ATP9A: variants seen among roughly 807,000 people sequenced by gnomAD.
ATP9A encodes ATPase phospholipid transporting 9A.
ATP9A carries 52 observed loss-of-function variants against 144.1 expected under a neutral mutation model. The observed-to-expected ratio is 0.36, with a 90% CI of 0.29 to 0.45. The LOEUF is 0.45. ATP9A is among the 20% of genes least tolerant of loss of function. The pLI, the probability that ATP9A is intolerant of heterozygous loss-of-function variation, is 1.00. For missense variants in ATP9A, 947 were observed against 1,392.7 expected (o/e 0.68, Z 5.09); for synonymous variants, 582 against 557.4 (o/e 1.04, Z -0.62).
chr20:51,727,379 A>T (rs2077719429), intron 2 of ATP9A, among the ~76,000 whole-genome samples: 1 of 151,904 alleles, frequency 6.6e-6, no homozygotes, highest in Non-Finnish European at 1.5e-5. Context: ...TGAGCTCAAG[A>T]GTTCGAGACC....
intron 13 of ATP9A, among the ~76,000 whole-genome samples, chr20:51,661,618 G>A (rs112648095): frequency 0.037 from 5,235 of 139,688 alleles, 113 homozygotes; most frequent in Non-Finnish European, 0.055. Flanking sequence ...TCAACCTCCC[G>A]CCTCGGCCTC....
chr20:51,700,133 T>C (rs1168390621), intron 4 of ATP9A, among the ~76,000 whole-genome samples: 1 of 152,186 alleles, frequency 6.6e-6, no homozygotes, highest in African/African-American at 2.4e-5. Flanking sequence ...CCTGGCCTGC[T>C]AGAGAGAGAT....
At chr20:51,640,104 C>A (rs952382384) in intron 14 of ATP9A, among the ~76,000 whole-genome samples, 5 of 151,956 alleles carry the variant, frequency 3.3e-5, no homozygotes, top group Non-Finnish European at 7.4e-5. Flanking sequence ...CCCACACCAC[C>A]CCCACTCCGA....
chr20:51,740,735 AT>A (rs2077781476), intron 1 of ATP9A, among the ~76,000 whole-genome samples: 1 of 149,252 alleles, frequency 6.7e-6, no homozygotes, highest in Non-Finnish European at 1.5e-5. Flanking sequence ...CTCCCGGATA[AT>A]TTTTTTTATT....
intron 13 of ATP9A, among the ~76,000 whole-genome samples, chr20:51,666,391 A>C (rs868303878): frequency 6.6e-6 from 1 of 152,158 alleles, no homozygotes; most frequent in African/African-American, 2.4e-5. Flanking sequence ...GTACTTTACG[A>C]AACACTGGGC....
At chr20:51,647,898 C>T (rs915751013) in intron 14 of ATP9A, among the ~76,000 whole-genome samples, 1 of 152,186 alleles carries the variant, frequency 6.6e-6, no homozygotes, top group Non-Finnish European at 1.5e-5. Flanking sequence ...CTGTCCAGCC[C>T]TGCTCAAACA....
At chr20:51,759,211 G>A (rs951105168) in intron 1 of ATP9A, among the ~76,000 whole-genome samples, 5 of 152,236 alleles carry the variant, frequency 3.3e-5, no homozygotes, top group Admixed American at 6.5e-5. Context: ...GGGGGGCAAA[G>A]AGCTGTTGGT....
At chr20:51,671,572 A>T (rs1348800972) in intron 11 of ATP9A, among the ~76,000 whole-genome samples, 1 of 152,104 alleles carries the variant, frequency 6.6e-6, no homozygotes, top group Non-Finnish European at 1.5e-5. Context: ...TTGATGCTAT[A>T]TTCATTTTTT....
At chr20:51,724,628 C>G (rs1212360) in intron 3 of ATP9A, among the ~76,000 whole-genome samples, 18,269 of 152,196 alleles carry the variant, frequency 0.12, 1,151 homozygotes, top group South Asian at 0.19. Context: ...TCTATCCCTT[C>G]TGAATGTCAG....
intron 15 of ATP9A, among the ~76,000 whole-genome samples, chr20:51,635,036 G>C: frequency 6.6e-6 from 1 of 152,044 alleles, no homozygotes; most frequent in Non-Finnish European, 1.5e-5. Context: ...CACCCCCCTG[G>C]AGTGGAGCTG....
intron 13 of ATP9A, among the ~76,000 whole-genome samples, chr20:51,661,602 C>T (rs2077411099): frequency 6.7e-6 from 1 of 148,318 alleles, no homozygotes; most frequent in South Asian, 2.1e-4. Flanking sequence ...AACTCCCAGG[C>T]TCAAGTCAAC....
At chr20:51,672,139 A>T (rs1027791401) in intron 11 of ATP9A, among the ~76,000 whole-genome samples, 2 of 152,110 alleles carry the variant, frequency 1.3e-5, no homozygotes, top group Non-Finnish European at 2.9e-5. Context: ...AAGTTGAATC[A>T]TACACTTTTT....
intron 24 of ATP9A, among the ~76,000 whole-genome samples, chr20:51,609,471 C>A (rs1320498286): frequency 6.6e-6 from 1 of 152,168 alleles, no homozygotes; most frequent in Non-Finnish European, 1.5e-5. Context: ...ATCTAGGGCA[C>A]TCGGTAACCA....
intron 4 of ATP9A, among the ~76,000 whole-genome samples, chr20:51,706,600 G>A (rs1327107259): frequency 6.6e-6 from 1 of 152,172 alleles, no homozygotes; most frequent in Non-Finnish European, 1.5e-5. Context: ...GAATTAAAAA[G>A]TTAGCCAGGT....
At position 51,600,805 on chromosome 20, in the gene ATP9A, AAAAC is replaced by A. The variant is rs755166706; in HGVS notation, c.*402_*405del. 18,403 of 122,730 alleles carry A rather than the reference AAAAC, an allele frequency of 0.15. 1,447 individuals are homozygous for A. Among genetic ancestry groups the A allele is most frequent in the Middle Eastern group, 0.25 (59 of 238 alleles). The allele number at this position is 122,730 out of a possible 1,614,324, so 7.6% of individuals were successfully genotyped here. ...AGTACATACACATTAGGACTCTTTAAAAACACACACACACACACACACACACACA... is the reference window on the plus strand; with the variant it reads ...AGTACATACACATTAGGACTCTTTAAACACACACACACACACACACACACA... On this transcript the variant is annotated 3_prime_UTR_variant, in exon 28 of 28. Transcript: ENST00000338821.
intron 21 of ATP9A, 52 bp downstream of exon 21, chr20:51,618,610 G>A (rs1388180024): frequency 6.4e-7 from 1 of 1,560,960 alleles, no homozygotes; most frequent in East Asian, 2.3e-5. Flanking sequence ...GGGAAAGGGA[G>A]CCTGGTGCAC....
intron 13 of ATP9A, among the ~76,000 whole-genome samples, chr20:51,661,158 G>C (rs1204835512): frequency 6.6e-6 from 1 of 152,114 alleles, no homozygotes; most frequent in Non-Finnish European, 1.5e-5. Flanking sequence ...AGGGAAAATA[G>C]GCTTCCCTTT....
At chr20:51,674,367 A>C (rs2122792361) in intron 10 of ATP9A, 54 bp from the exon 11 acceptor site, 828 of 1,564,094 alleles carry the variant, frequency 5.3e-4, no homozygotes, top group Middle Eastern at 8.9e-4. Context: ...AACTAATCTC[A>C]AACCTAAACC....
intron 2 of ATP9A, among the ~76,000 whole-genome samples, chr20:51,728,234 G>A (rs745911390): frequency 3.9e-5 from 6 of 152,162 alleles, no homozygotes; most frequent in Non-Finnish European, 5.9e-5. Flanking sequence ...GTCTGCATCA[G>A]ACTTTCCATG....
Sources: allele counts gnomAD v4.1 joint callset (sites outside exome capture counted in the v4.1 genomes callset), GRCh38; gene constraint gnomAD v4.1.1; transcripts MANE v1.5; gene names NCBI Gene and HGNC (gene_info 2026-07-23, HGNC 2026-07-21).